TNFAIP8: variants seen among roughly 807,000 people sequenced by gnomAD.
TNFAIP8 encodes tumor necrosis factor alpha-induced protein 8.
A neutral mutation model predicts 13.3 loss-of-function variants in TNFAIP8; 7 were observed. The observed-to-expected ratio is 0.52, with a 90% confidence interval of 0.30 to 0.99. The LOEUF is 0.99. Among genes scored for constraint, TNFAIP8 ranks in the 50% least tolerant of loss-of-function variants. TNFAIP8 has a pLI of 0.07. For missense variants in TNFAIP8, 258 were observed against 236.9 expected, an observed-to-expected ratio of 1.09 and a Z score of -0.58; for synonymous variants, 94 against 87.6, an observed-to-expected ratio of 1.07 and a Z score of -0.41.
chr5:119,304,635 ACG>A (rs1338645779), intron 1 of TNFAIP8, among the ~76,000 whole-genome samples: 1 of 152,226 alleles, frequency 6.6e-6, no homozygotes, highest in East Asian at 1.9e-4. Flanking sequence ...TGCAAAGACC[ACG>A]ATTGCATGAG....
rs777415623 is a variant in TNFAIP8 at position 119,393,771 on chromosome 5, A to G, written c.*390A>G. The stretch of plus-strand genomic sequence containing the variant: ...TTTTGATTTACTTTCATTTCTTGCT[A>G]TGTATATGTACTTTTCTTAAAATGC... On this transcript the variant is annotated 3_prime_UTR_variant, in exon 2 of 2. Coordinates refer to ENST00000504771, the MANE Select transcript of TNFAIP8 (RefSeq NM_014350.4). 7.8e-5 allele frequency: 14 copies of G among 179,760 alleles called. No individual in the cohort carries two copies. The highest frequency in any genetic ancestry group is 1.2e-4 in the South Asian group (1 of 8,360). The allele number at this position is 179,760 out of a possible 1,614,324, so 11.1% of individuals were successfully genotyped here. A position where few individuals can be genotyped will look rare whatever the true frequency, so the allele number is the denominator to read the frequency against.
intron 1 of TNFAIP8, among the ~76,000 whole-genome samples, chr5:119,339,043 C>T (rs1376666394): frequency 6.9e-6 from 1 of 144,016 alleles, no homozygotes; most frequent in Non-Finnish European, 1.5e-5. Context: ...AAGACTTTGT[C>T]TCTTAAAACA....
chr5:119,324,465 G>A (rs1750158187), intron 1 of TNFAIP8, among the ~76,000 whole-genome samples: 1 of 152,014 alleles, frequency 6.6e-6, no homozygotes, highest in African/African-American at 2.4e-5. Context: ...GAGTCACAGG[G>A]ATAAGCAAAA....
In TNFAIP8 at chr5:119,393,456, A is replaced by G. The variant is rs1752979920; in HGVS notation, c.*75A>G. The stretch of plus-strand genomic sequence containing the variant: ...ACTGCTGATTTATGAAGGAAAAAAG[A>G]AGAATTTTCTAAAGATTACACATAT... On this transcript the variant is annotated 3_prime_UTR_variant, in exon 2 of 2. Coordinates refer to ENST00000504771, the MANE Select transcript of TNFAIP8 (RefSeq NM_014350.4). 3 of 1,343,236 alleles carry G rather than the reference A, an allele frequency of 2.2e-6. No individual in the cohort carries two copies. The highest frequency in any genetic ancestry group is 1.4e-5 in the South Asian group (1 of 70,262). 83.2% of individuals were successfully genotyped at this position (1,343,236 alleles called of 1,614,324 possible). A position where few individuals can be genotyped will look rare whatever the true frequency, so the allele number is the denominator to read the frequency against.
At chr5:119,347,598 T>C (rs749749287) in intron 1 of TNFAIP8, among the ~76,000 whole-genome samples, 5 of 152,210 alleles carry the variant, frequency 3.3e-5, no homozygotes, top group Non-Finnish European at 7.3e-5. Flanking sequence ...AGTATATATT[T>C]CTGCAGCTCT....
intron 1 of TNFAIP8, among the ~76,000 whole-genome samples, chr5:119,371,364 G>C (rs1408285438): frequency 6.6e-6 from 1 of 152,118 alleles, no homozygotes; most frequent in Non-Finnish European, 1.5e-5. Context: ...TTGTCCAACA[G>C]TAGCGTCTGT....
chr5:119,333,636 G>C (rs1750455171), intron 1 of TNFAIP8: 1 of 1,531,892 alleles, frequency 6.5e-7, no homozygotes, highest in African/African-American at 1.4e-5. Flanking sequence ...AACTAGGTGA[G>C]TTAAAACGGC....
intron 1 of TNFAIP8, among the ~76,000 whole-genome samples, chr5:119,297,857 G>A (rs1214378359): frequency 1.3e-5 from 2 of 152,172 alleles, no homozygotes; most frequent in Non-Finnish European, 2.9e-5. Context: ...TTACCATTGT[G>A]TAATGGCCTT....
Position 119,317,829 on chromosome 5 carries a change from C to G in TNFAIP8, c.1+48922C>G, listed in dbSNP as rs139771079. On this transcript the variant is annotated intron_variant, in intron 1 of 1. Transcript: ENST00000274456. ...GCCAGGCTGGTCTTGAACTCCTGAC[C>G]TCAAGTAATCTGCCCGCCTTGGCTC... Among the ~76,000 whole-genome samples, 1,010 of 152,092 alleles carry G rather than the reference C, an allele frequency of 6.6e-3. 13 individuals carry two copies. Among genetic ancestry groups the G allele is most frequent in the African/African-American group, 0.022 (933 of 41,500 alleles).
rs1019152175 is a variant in TNFAIP8, at chr5:119,397,124, A to C, written c.*3743A>C. ...AAAGTTCTTTTTCTCCCACCATGTG[A>C]ATACACACACACACACACACACACA... On this transcript the variant is annotated 3_prime_UTR_variant, in exon 2 of 2. Transcript: ENST00000504771. The C allele has an allele frequency of 2.9e-5, 3 of 103,750 alleles. No individual in the cohort carries two copies. Among genetic ancestry groups the C allele is most frequent in the Non-Finnish European group, 7.0e-5 (3 of 42,642 alleles). 6.4% of individuals were successfully genotyped at this position (103,750 alleles called of 1,614,324 possible). A position where few individuals can be genotyped will look rare whatever the true frequency, so the allele number is the denominator to read the frequency against.
chr5:119,282,406 G>T (rs1229264126), intron 1 of TNFAIP8, among the ~76,000 whole-genome samples: 2 of 152,136 alleles, frequency 1.3e-5, no homozygotes, highest in African/African-American at 2.4e-5. Flanking sequence ...CCTCTGATCT[G>T]GTGAGGCTTT....
intron 1 of TNFAIP8, among the ~76,000 whole-genome samples, chr5:119,321,218 A>G (rs893462531): frequency 3.9e-5 from 6 of 152,146 alleles, no homozygotes; most frequent in African/African-American, 1.4e-4. Context: ...CTCCATCTCA[A>G]AAAAAAGACT....
chr5:119,333,805 T>C (rs1211129038), intron 1 of TNFAIP8, among the ~76,000 whole-genome samples: 15 of 152,240 alleles, frequency 9.9e-5, no homozygotes, highest in Admixed American at 9.8e-4. Flanking sequence ...GCTATGGCTC[T>C]GGGTGTGGGG....
intron 1 of TNFAIP8, among the ~76,000 whole-genome samples, chr5:119,297,561 G>T (rs991254337): frequency 6.7e-4 from 102 of 152,230 alleles, no homozygotes; most frequent in Non-Finnish European, 1.3e-3. Flanking sequence ...GTGGTGTGGT[G>T]CTGAAAAAAA....
At chr5:119,275,059 A>G (rs1748397953) in intron 1 of TNFAIP8, among the ~76,000 whole-genome samples, 1 of 150,128 alleles carries the variant, frequency 6.7e-6, no homozygotes, top group African/African-American at 2.5e-5. Flanking sequence ...GAAAGTACAG[A>G]GTGGCTTTAA....
rs771728876 is a variant in TNFAIP8 at position 119,395,591 on chromosome 5, TGAG to T, written c.*2214_*2216del. The T allele has an allele frequency of 5.9e-5, 9 of 152,100 alleles. No homozygotes were observed. Among genetic ancestry groups the T allele is most frequent in the African/African-American group, 9.7e-5 (4 of 41,414 alleles). 9.4% of individuals were successfully genotyped at this position (152,100 alleles called of 1,614,324 possible). A position where few individuals can be genotyped will look rare whatever the true frequency, so the allele number is the denominator to read the frequency against. ...TTCATCTCCCACAGAGGGAAGGCAG[TGAG>T]GAGTAGACCGAAGGAGGGAATCCTG... On this transcript the variant is annotated 3_prime_UTR_variant, in exon 2 of 2. Coordinates refer to ENST00000504771, the MANE Select transcript of TNFAIP8 (RefSeq NM_014350.4).
At chr5:119,341,540 G>T (rs10053030) in intron 1 of TNFAIP8, among the ~76,000 whole-genome samples, 1 of 152,014 alleles carries the variant, frequency 6.6e-6, no homozygotes, top group African/African-American at 2.4e-5. Context: ...AGTCTCAGAG[G>T]TACCGTATTT....
chr5:119,349,116 C>T (rs992260061), intron 1 of TNFAIP8, among the ~76,000 whole-genome samples: 1 of 152,100 alleles, frequency 6.6e-6, no homozygotes, highest in African/African-American at 2.4e-5. Context: ...CCATTTTGAC[C>T]CCATTCACCT....
intron 1 of TNFAIP8, among the ~76,000 whole-genome samples, chr5:119,379,931 G>A (rs1580441933): frequency 1.3e-5 from 2 of 152,190 alleles, no homozygotes; most frequent in African/African-American, 4.8e-5. Flanking sequence ...TGCTTTATCT[G>A]GGGGAGCAGG....
Sources: gnomAD v4.1 joint callset for allele counts (sites outside exome capture counted in the v4.1 genomes callset) on GRCh38, gnomAD v4.1.1 for gene constraint, MANE v1.5 for transcripts, NCBI Gene and HGNC (gene_info 2026-07-23, HGNC 2026-07-21) for gene names.